Variants in GET1 observed in about 807,000 individuals in gnomAD.
GET1 encodes the protein congenital heart disease 5 protein.
GET1 carries 20 observed loss-of-function variants against 22.6 expected under a neutral mutation model. That is an observed-to-expected ratio of 0.89 (90% CI 0.62 to 1.29). The LOEUF (loss-of-function observed/expected upper bound fraction) is 1.29. GET1 is among the 50% of genes most tolerant of loss of function. The pLI, the probability that GET1 is intolerant of heterozygous loss-of-function variation, is 0.00. For missense variants in GET1, 209 were observed against 219.9 expected (o/e 0.95, Z 0.31); for synonymous variants, 92 against 83.8 (o/e 1.10, Z -0.53).
chr21:39,382,852 C>A (rs1476176304), intron 1 of GET1, among the ~76,000 whole-genome samples: 1 of 152,218 alleles, frequency 6.6e-6, no homozygotes, highest in Non-Finnish European at 1.5e-5. Context: ...AGCAGCCACA[C>A]CATTCGACAT....
chr21:39,417,328 C>T (rs1227709399), intron 1 of GET1, among the ~76,000 whole-genome samples: 4 of 152,224 alleles, frequency 2.6e-5, no homozygotes, highest in Admixed American at 6.5e-5. Flanking sequence ...GCATGAGCCA[C>T]TGTACCCAGC....
chr21:39,395,764 C>G (rs2038602243), intron 4 of GET1, among the ~76,000 whole-genome samples: 1 of 152,166 alleles, frequency 6.6e-6, no homozygotes, highest in Non-Finnish European at 1.5e-5. Context: ...TGGGCCTAGG[C>G]CAGGAGCTCT....
At chr21:39,383,977 G>T (rs1475068059) in intron 1 of GET1, among the ~76,000 whole-genome samples, 2 of 151,856 alleles carry the variant, frequency 1.3e-5, no homozygotes, top group African/African-American at 4.8e-5. Context: ...CTGACCTCAG[G>T]TGATCCACCT....
At chr21:39,424,470 G>A (rs1253878539) in intron 1 of GET1, among the ~76,000 whole-genome samples, 1 of 152,204 alleles carries the variant, frequency 6.6e-6, no homozygotes, top group Non-Finnish European at 1.5e-5. Flanking sequence ...GACAAAGTGA[G>A]ACCCTGTCTC....
downstream of GET1, chr21:39,410,810 C>A (rs758533923): frequency 6.4e-6 from 3 of 470,896 alleles, no homozygotes; most frequent in African/African-American, 4.0e-5. Context: ...ATTTAAACAA[C>A]CCCTCGGTTG....
chr21:39,381,748 C>T (rs1246882551), intron 1 of GET1, among the ~76,000 whole-genome samples: 1 of 152,084 alleles, frequency 6.6e-6, no homozygotes. Context: ...ACCATTATCC[C>T]AGAACTTTAT....
intron 1 of GET1, chr21:39,413,949 T>C: frequency 6.6e-6 from 1 of 152,072 alleles, no homozygotes; most frequent in Non-Finnish European, 1.5e-5. Flanking sequence ...GCGGCGTGGG[T>C]CAAAAGGAAG....
intron 1 of GET1, among the ~76,000 whole-genome samples, chr21:39,385,314 C>T (rs1018071991): frequency 6.6e-6 from 1 of 152,118 alleles, no homozygotes; most frequent in East Asian, 1.9e-4. Context: ...TCTCCCCCCT[C>T]CCCCCGCGTG....
At chr21:39,385,709 T>G (rs2037839844) in intron 1 of GET1, among the ~76,000 whole-genome samples, 1 of 151,532 alleles carries the variant, frequency 6.6e-6, no homozygotes, top group Non-Finnish European at 1.5e-5. Context: ...GTCGCAGGAC[T>G]GGCCCGGGCT....
intron 4 of GET1, among the ~76,000 whole-genome samples, chr21:39,395,114 A>G (rs767058660): frequency 4.6e-5 from 7 of 152,054 alleles, no homozygotes; most frequent in East Asian, 3.9e-4. Context: ...GCATCAAGCA[A>G]TCCTCCCTCC....
chr21:39,423,025 TTA>T, intron 1 of GET1: 2 of 1,614,114 alleles, frequency 1.2e-6, no homozygotes, highest in Admixed American at 3.3e-5. Flanking sequence ...AATAGATAAT[TTA>T]TGAGTGAGTT....
chr21:39,382,002 G>A (rs1211546387), intron 1 of GET1, among the ~76,000 whole-genome samples: 1 of 151,790 alleles, frequency 6.6e-6, no homozygotes, highest in Non-Finnish European at 1.5e-5. Flanking sequence ...GCCTCCCAAA[G>A]TGCTGGGATT....
At chr21:39,417,765 TAA>T in intron 1 of GET1, among the ~76,000 whole-genome samples, 1 of 151,944 alleles carries the variant, frequency 6.6e-6, no homozygotes, top group South Asian at 2.1e-4. Flanking sequence ...TTTAATTTTT[TAA>T]TTTTTAATTT....
intron 1 of GET1, chr21:39,422,489 T>G (rs1265231359): frequency 6.2e-6 from 1 of 160,200 alleles, no homozygotes; most frequent in Non-Finnish European, 1.4e-5. Context: ...ATTTTGAAAA[T>G]AACTACAAAT....
At chr21:39,391,084 T>C (rs1242614234) in intron 2 of GET1, 2 of 404,296 alleles carry the variant, frequency 4.9e-6, no homozygotes, top group Non-Finnish European at 8.6e-6. Flanking sequence ...CCTCTCAGAT[T>C]TTCCTCAGAG....
chr21:39,422,802 T>C, intron 1 of GET1: 1 of 637,120 alleles, frequency 1.6e-6, no homozygotes, highest in Non-Finnish European at 2.7e-6. Context: ...CTGTTTTTCC[T>C]TCAAACCACT....
At chr21:39,418,417 T>C (rs2041682641) in intron 1 of GET1, among the ~76,000 whole-genome samples, 1 of 152,234 alleles carries the variant, frequency 6.6e-6, no homozygotes, top group Non-Finnish European at 1.5e-5. Context: ...TGGATCTTAC[T>C]GTATATAGAA....
chr21:39,423,655 C>T (rs2074124401), intron 1 of GET1, among the ~76,000 whole-genome samples: 1 of 152,136 alleles, frequency 6.6e-6, no homozygotes, highest in Admixed American at 6.5e-5. Flanking sequence ...AATGAATACC[C>T]ATGCTTTAGG....
At chr21:39,406,803 T>G (rs1270989377), downstream of GET1, 11 of 494,442 alleles carry the variant, frequency 2.2e-5, no homozygotes, top group African/African-American at 2.2e-4. Flanking sequence ...TGTTACAGTT[T>G]CTTGGAACTT....
Sources: allele counts gnomAD v4.1 joint callset (sites outside exome capture counted in the v4.1 genomes callset), GRCh38; gene constraint gnomAD v4.1.1; transcripts MANE v1.5; gene names NCBI Gene and HGNC (gene_info 2026-07-23, HGNC 2026-07-21).